The following SF3A1 variants were observed in gnomAD, a reference collection of about 807,000 sequenced individuals.
The protein encoded by SF3A1 is splicing factor 3a subunit 1.
SF3A1 carries 13 observed loss-of-function variants against 89.9 expected under a neutral mutation model. The observed-to-expected ratio is 0.14, with a 90% CI of 0.09 to 0.23. SF3A1 has a LOEUF of 0.23. SF3A1 is among the 10% of genes least tolerant of loss of function. The pLI is 1.00. For missense variants in SF3A1, 604 were observed against 1,022.1 expected, an observed-to-expected ratio of 0.59 and a Z score of 5.58; for synonymous variants, 405 against 374.4, an observed-to-expected ratio of 1.08 and a Z score of -0.94.
intron 4 of SF3A1, among the ~76,000 whole-genome samples, chr22:30,344,059 T>C (rs142375228): frequency 1.3e-5 from 2 of 152,344 alleles, no homozygotes; most frequent in Non-Finnish European, 2.9e-5. Flanking sequence ...TTGCAATAAA[T>C]TAATAATCTG....
Position 30,335,688 on chromosome 22 carries a change from C to T in SF3A1, c.2172G>A (p.Gly724=), listed in dbSNP as rs1237566853. The T allele has an allele frequency of 1.2e-6, 2 of 1,614,088 alleles. No individual in the cohort carries two copies. Among genetic ancestry groups the T allele is most frequent in the Non-Finnish European group, 8.5e-7 (1 of 1,180,034 alleles). The change falls in exon 14 of 16, where the codon GGG becomes GGA. Residue 724 remains glycine (G), a synonymous_variant. Transcript: ENST00000215793. ...GTGGGAGGGTGAAGACCAGCACCTGCCCATTCAGTTTCCATTCCGTCTTAT... is the reference window on the plus strand; with the variant it reads ...GTGGGAGGGTGAAGACCAGCACCTGTCCATTCAGTTTCCATTCCGTCTTAT... ...MQDKTEWKLN[G]QVLVFTLPLT...
chr22:30,351,921 G>T (rs914030696), intron 2 of SF3A1, among the ~76,000 whole-genome samples: 4 of 152,264 alleles, frequency 2.6e-5, no homozygotes, highest in Non-Finnish European at 5.9e-5. Flanking sequence ...ATACCCTAGA[G>T]AATGTACTGA....
At chr22:30,338,727 C>T (rs17730538) in intron 11 of SF3A1, 62 bp downstream of exon 11, 355,700 of 1,606,054 alleles carry the variant, frequency 0.22, 41,543 homozygotes, top group Middle Eastern at 0.27. Flanking sequence ...TCTCAGCCAA[C>T]AGTGTCCGAC....
intron 1 of SF3A1, 83 bp downstream of exon 1, chr22:30,356,647 G>T: frequency 1.8e-6 from 2 of 1,114,484 alleles, no homozygotes; most frequent in African/African-American, 1.6e-5. Flanking sequence ...GCCCTTCATA[G>T]CGGCCGGCCG....
intron 4 of SF3A1, among the ~76,000 whole-genome samples, chr22:30,344,540 A>G (rs1210117649): frequency 1.3e-5 from 2 of 152,168 alleles, no homozygotes; most frequent in African/African-American, 4.8e-5. Flanking sequence ...TGGGGGGAAA[A>G]CACCTCATGG....
chr22:30,342,945 C>T lies in SF3A1; in HGVS notation c.652-66G>A. ...AACGCAGTACAAAGAGGCAGCCTTC[C>T]TGGGCCTGTGATAAAGCACAGGAGA... On this transcript the variant is annotated intron_variant, in intron 4 of 15. Transcript: ENST00000215793. 5.8e-6 allele frequency: 6 copies of T among 1,026,684 alleles called. No individual in the cohort carries two copies. In the South Asian group the frequency reaches 6.4e-5, roughly 11 times the overall value. The allele number at this position is 1,026,684 out of a possible 1,614,324, so 63.6% of individuals were successfully genotyped here.
intron 9 of SF3A1, 35 bp downstream of exon 9, chr22:30,340,161 G>A (rs751996331): frequency 7.0e-7 from 1 of 1,437,464 alleles, no homozygotes; most frequent in Admixed American, 3.3e-5. Context: ...GTAATTCGGA[G>A]ACTACCATGG....
chr22:30,342,047 G>A (rs540818020), intron 6 of SF3A1, among the ~76,000 whole-genome samples, 153 bp downstream of exon 6: 8 of 152,330 alleles, frequency 5.3e-5, no homozygotes, highest in African/African-American at 1.9e-4. Flanking sequence ...GTTGGGCAAA[G>A]TGGTAGAACT....
intron 13 of SF3A1, 23 bp from the exon 14 acceptor site, chr22:30,335,776 T>C: frequency 1.9e-6 from 3 of 1,592,616 alleles, no homozygotes; most frequent in Non-Finnish European, 2.6e-6. Context: ...AGGTGGTCAT[T>C]ATGCCTAGGG....
At position 30,337,705 on chromosome 22, in the gene SF3A1, TGGGGGGTGGGC is replaced by T; in HGVS notation, c.1925_1935del (p.Arg642HisfsTer34). 1 of 391,608 alleles carries T rather than the reference TGGGGGGTGGGC, an allele frequency of 2.6e-6. No individual in the cohort carries two copies. The highest frequency in any genetic ancestry group is 4.4e-6 in the Non-Finnish European group (1 of 224,870). The allele number at this position is 391,608 out of a possible 1,614,324, so 24.3% of individuals were successfully genotyped here. A position where few individuals can be genotyped will look rare whatever the true frequency, so the allele number is the denominator to read the frequency against. On this transcript the variant is annotated frameshift_variant, in exon 12 of 16. Transcript: ENST00000215793. LOFTEE classifies it high-confidence loss of function. ...AGATACTGACCTGTTGGCACAATCA[TGGGGGGTGGGC>T]GGGGGGCCATAATAGGAGGGGCCGA...
intron 7 of SF3A1, among the ~76,000 whole-genome samples, chr22:30,341,383 AG>A (rs1283485895): frequency 6.6e-6 from 1 of 152,208 alleles, no homozygotes; most frequent in Non-Finnish European, 1.5e-5. Context: ...AGCTCAAAAC[AG>A]AACAGGGTAA....
chr22:30,338,847 G>A lies in SF3A1; in HGVS notation c.1685C>T (p.Ser562Leu), dbSNP rs777945769. 1 of 1,614,258 alleles carries A rather than the reference G, an allele frequency of 6.2e-7. No individual in the cohort carries two copies. Among genetic ancestry groups the A allele is most frequent in the Non-Finnish European group, 8.5e-7 (1 of 1,180,036 alleles). Residue 562 changes from serine to leucine, a missense_variant, in exon 11 of 16, where the codon TCA becomes TTA. Ser to Leu is a moderately radical substitution (Grantham distance 145). This residue lies in a region of SF3A1 where 85 missense variants were observed against 137.3 expected (regional missense o/e 0.62). Coordinates refer to ENST00000215793, the MANE Select transcript of SF3A1 (RefSeq NM_005877.6). ...AGCCGAGCTGGGGATGTTGGTGGCTGAAGATGGTGGCGGTGGCTGTTGAGG... is the reference window on the plus strand; with the variant it reads ...AGCCGAGCTGGGGATGTTGGTGGCTAAAGATGGTGGCGGTGGCTGTTGAGG... ...EIPQQPPPPS[S>L]ATNIPSSAPP...
In SF3A1 at chr22:30,337,014, G is replaced by A; in HGVS notation, c.2106+12C>T. On this transcript the variant is annotated intron_variant, in intron 13 of 15. Coordinates refer to ENST00000215793, the MANE Select transcript of SF3A1 (RefSeq NM_005877.6). ...CAGCTAGAAACTTCAGCAGCATTCT[G>A]GGATTACATACCTTGTTTCTGCGCA... The A allele has an allele frequency of 6.2e-7, 1 of 1,614,116 alleles. No homozygotes were observed. The highest frequency in any genetic ancestry group is 8.5e-7 in the Non-Finnish European group (1 of 1,179,966).
intron 2 of SF3A1, among the ~76,000 whole-genome samples, chr22:30,346,934 T>C (rs1931439707): frequency 6.6e-6 from 1 of 152,150 alleles, no homozygotes; most frequent in African/African-American, 2.4e-5. Flanking sequence ...GAAAACAAAG[T>C]AATACTGTCA....
chr22:30,352,724 A>T (rs1931640018), intron 2 of SF3A1: 1 of 414,708 alleles, frequency 2.4e-6, no homozygotes, highest in African/African-American at 2.0e-5. Flanking sequence ...TTAGAAGCAG[A>T]GGCTCCTGGT....
intron 4 of SF3A1, 23 bp downstream of exon 4, chr22:30,344,910 C>T (rs1233651274): frequency 1.2e-6 from 2 of 1,609,436 alleles, no homozygotes; most frequent in South Asian, 2.2e-5. Context: ...GCCCAGGACC[C>T]CAGCCCCATC....
intron 9 of SF3A1, 29 bp downstream of exon 9, chr22:30,340,167 C>A: frequency 6.8e-7 from 1 of 1,463,656 alleles, no homozygotes; most frequent in Non-Finnish European, 9.0e-7. Context: ...CGGAGACTAC[C>A]ATGGGCTCTC....
chr22:30,337,937 G>T, intron 11 of SF3A1, 40 bp from the exon 12 acceptor site: 2 of 1,461,754 alleles, frequency 1.4e-6, no homozygotes, highest in South Asian at 1.2e-5. Context: ...GGAAGCCAAA[G>T]TTGGACTCCA....
At chr22:30,342,090 T>G (rs114261326) in intron 6 of SF3A1, 110 bp downstream of exon 6, 4 of 1,370,214 alleles carry the variant, frequency 2.9e-6, no homozygotes, top group African/African-American at 2.9e-5. Context: ...GAGACAGCAC[T>G]GATAAAGCCC....
Sources: allele counts gnomAD v4.1 joint callset (sites outside exome capture counted in the v4.1 genomes callset), GRCh38; gene constraint gnomAD v4.1.1; regional missense constraint gnomAD v4.1.1; transcripts MANE v1.5; gene names NCBI Gene and HGNC (gene_info 2026-07-23, HGNC 2026-07-21).